The following CORO2A variants were observed in gnomAD, a reference collection of about 807,000 sequenced individuals.
CORO2A encodes the protein coronin-2A.
A neutral mutation model predicts 62.4 loss-of-function variants in CORO2A; 47 were observed. That is an observed-to-expected ratio of 0.75 (90% CI 0.60 to 0.96). CORO2A has a LOEUF of 0.96. CORO2A is among the 40% of genes least tolerant of loss of function. The pLI, the probability that CORO2A is intolerant of heterozygous loss-of-function variation, is 0.00. For missense variants in CORO2A, 610 were observed against 684.1 expected, an observed-to-expected ratio of 0.89 and a Z score of 1.21; for synonymous variants, 273 against 268.9, an observed-to-expected ratio of 1.02 and a Z score of -0.15.
intron 10 of CORO2A, among the ~76,000 whole-genome samples, chr9:98,127,400 ACTG>A (rs1297415829): frequency 3.3e-5 from 5 of 152,050 alleles, no homozygotes; most frequent in Admixed American, 6.6e-5. Flanking sequence ...AGCTGGGGTG[ACTG>A]CTTCTGCTGG....
intron 11 of CORO2A, among the ~76,000 whole-genome samples, chr9:98,125,315 T>A (rs546939716): frequency 6.6e-6 from 1 of 152,194 alleles, no homozygotes; most frequent in Non-Finnish European, 1.5e-5. Context: ...TATTGAGTGA[T>A]GCCCTAAGGG....
At chr9:98,181,634 C>A (rs1828179105) in intron 1 of CORO2A, among the ~76,000 whole-genome samples, 1 of 152,082 alleles carries the variant, frequency 6.6e-6, no homozygotes, top group African/African-American at 2.4e-5. Flanking sequence ...CATCACGGTG[C>A]TTTCAGTTCT....
rs771924996 is a variant in CORO2A, at chr9:98,133,115, T to C, written c.571A>G (p.Asn191Asp). The C allele has an allele frequency of 8.7e-6, 14 of 1,614,052 alleles. No homozygotes were observed. The African/African-American group carries it at 1.7e-4, about 20-fold the overall frequency. ...DVILSMSFNTNGSLLATTCKD... is the reference protein window; with the variant it reads ...DVILSMSFNTDGSLLATTCKD... ...CAGGTGGTGGCCAACAGGCTGCCGT[T>C]GGTGTTGAAGGACATGGAGAGGATC... Residue 191 changes from asparagine (N) to aspartate (D), a missense_variant, in exon 5 of 12, where the codon AAC becomes GAC. Transcript: ENST00000375077.
intron 1 of CORO2A, among the ~76,000 whole-genome samples, chr9:98,176,801 G>A (rs1425761338): frequency 3.9e-5 from 6 of 152,152 alleles, no homozygotes; most frequent in Non-Finnish European, 8.8e-5. Flanking sequence ...CCAAGAGATC[G>A]TGGGGTACAG....
intron 2 of CORO2A, among the ~76,000 whole-genome samples, chr9:98,151,486 T>G (rs538673959): frequency 6.6e-6 from 1 of 152,236 alleles, no homozygotes; most frequent in African/African-American, 2.4e-5. Context: ...ATTCCCAGTA[T>G]GTACAAATGC....
In CORO2A at chr9:98,124,716, A is replaced by G; in HGVS notation, c.*58T>C. ...TTGAGGGGACTTGTGGTTTGGTTCT[A>G]AACCTCCCCATGGAGCCGAGTGGTG... On this transcript the variant is annotated 3_prime_UTR_variant, in exon 12 of 12. Coordinates refer to ENST00000375077, the MANE Select transcript of CORO2A (RefSeq NM_052820.4). 6.6e-7 allele frequency: 1 copy of G among 1,506,084 alleles called. No individual in the cohort carries two copies. 93.3% of individuals were successfully genotyped at this position (1,506,084 alleles called of 1,614,324 possible).
chr9:98,139,357 G>A (rs549624961), intron 2 of CORO2A, among the ~76,000 whole-genome samples: 13 of 152,302 alleles, frequency 8.5e-5, no homozygotes, highest in African/African-American at 3.1e-4. Context: ...GCCTGGCATG[G>A]TGGCTCACGG....
At chr9:98,144,620 A>AC (rs753001624) in intron 2 of CORO2A, among the ~76,000 whole-genome samples, 21 of 152,172 alleles carry the variant, frequency 1.4e-4, no homozygotes, top group Non-Finnish European at 2.9e-4. Flanking sequence ...CACACAAGAG[A>AC]CCTGGGGGAT....
chr9:98,191,045 G>A (rs1402429346), intron 1 of CORO2A, among the ~76,000 whole-genome samples: 2 of 152,202 alleles, frequency 1.3e-5, no homozygotes, highest in Non-Finnish European at 2.9e-5. Context: ...ACCTGTCCAG[G>A]GGCCTCCTGC....
At chr9:98,168,065 G>A (rs1305116926) in intron 1 of CORO2A, among the ~76,000 whole-genome samples, 3 of 152,178 alleles carry the variant, frequency 2.0e-5, no homozygotes, top group Non-Finnish European at 4.4e-5. Context: ...GGCTCTAAAC[G>A]GCCCTGTCCA....
chr9:98,177,453 CTTTGTTT>C (rs1828122549), intron 1 of CORO2A, among the ~76,000 whole-genome samples: 2 of 121,802 alleles, frequency 1.6e-5, no homozygotes, highest in South Asian at 5.1e-4. Flanking sequence ...GGGCTCCAAA[CTTTGTTT>C]TTTTTTTTTT....
rs765884180 is a variant in CORO2A, at chr9:98,134,857, C to T, written c.417G>A (p.Glu139=). The part of the protein sequence containing the change: ...VGHARRVGLV[E]WHPTAANILF... ...GGATGTTGGCGGCCGTGGGGTGCCA[C>T]TCCACCAGGCCTACTCTGCGCGCGT... The change falls in exon 4 of 12, where the codon GAG becomes GAA. Residue 139 remains glutamate, a synonymous_variant. Transcript: ENST00000375077. 5.0e-6 allele frequency: 8 copies of T among 1,614,096 alleles called. No homozygotes were observed. In the South Asian group the frequency reaches 6.6e-5, roughly 13 times the overall value.
chr9:98,160,305 A>G (rs1170303169), intron 1 of CORO2A, among the ~76,000 whole-genome samples: 1 of 152,238 alleles, frequency 6.6e-6, no homozygotes, highest in Non-Finnish European at 1.5e-5. Flanking sequence ...TAGGGACACA[A>G]GGAAAATGCA....
At chr9:98,183,781 G>A (rs1257179712) in intron 1 of CORO2A, among the ~76,000 whole-genome samples, 2 of 152,094 alleles carry the variant, frequency 1.3e-5, no homozygotes, top group Admixed American at 6.6e-5. Flanking sequence ...CCAACATAGC[G>A]AAACCCCATC....
chr9:98,186,465 C>T (rs1008332100), intron 1 of CORO2A, among the ~76,000 whole-genome samples: 1 of 152,012 alleles, frequency 6.6e-6, no homozygotes, highest in Non-Finnish European at 1.5e-5. Flanking sequence ...GTGTTGTCAT[C>T]TATAAAATGG....
chr9:98,167,266 G>A (rs1234331350), intron 1 of CORO2A, among the ~76,000 whole-genome samples: 1 of 152,176 alleles, frequency 6.6e-6, no homozygotes, highest in Non-Finnish European at 1.5e-5. Flanking sequence ...CAAAATCACA[G>A]GGACAGAAAG....
chr9:98,184,400 A>G (rs1190619970), intron 1 of CORO2A, among the ~76,000 whole-genome samples: 1 of 152,202 alleles, frequency 6.6e-6, no homozygotes, highest in Non-Finnish European at 1.5e-5. Context: ...AGTGATAATT[A>G]GCTTGATGTC....
At chr9:98,187,204 A>C (rs906771430) in intron 1 of CORO2A, among the ~76,000 whole-genome samples, 3 of 149,018 alleles carry the variant, frequency 2.0e-5, no homozygotes, top group East Asian at 4.0e-4. Flanking sequence ...AATAGCATGA[A>C]CCCGGGAGGT....
chr9:98,176,154 C>T (rs1828106479), intron 1 of CORO2A, among the ~76,000 whole-genome samples: 1 of 152,176 alleles, frequency 6.6e-6, no homozygotes, highest in Non-Finnish European at 1.5e-5. Context: ...GTCACCTGTG[C>T]TGGGAGGCAC....
Sources: allele counts gnomAD v4.1 joint callset (sites outside exome capture counted in the v4.1 genomes callset), GRCh38; gene constraint gnomAD v4.1.1; transcripts MANE v1.5; gene names NCBI Gene and HGNC (gene_info 2026-07-23, HGNC 2026-07-21).